Variants in CASR observed in about 807,000 individuals in gnomAD.
CASR encodes the protein calcium sensing receptor.
Under a neutral mutation model 69.1 loss-of-function variants are expected in CASR, and 23 were observed. That is an observed-to-expected ratio of 0.33 (90% CI 0.24 to 0.47). The LOEUF (loss-of-function observed/expected upper bound fraction) is 0.47. Ranked by LOEUF, CASR falls within the 20% of genes least tolerant of loss-of-function variation. The pLI, the probability that CASR is intolerant of heterozygous loss-of-function variation, is 1.00. For missense variants in CASR, 924 were observed against 1,356.1 expected (o/e 0.68, Z 5.00); for synonymous variants, 541 against 544.7 (o/e 0.99, Z 0.10).
intron 1 of CASR, among the ~76,000 whole-genome samples, chr3:122,230,672 C>A (rs912269230): frequency 2.0e-5 from 3 of 152,180 alleles, no homozygotes; most frequent in Admixed American, 2.0e-4. Context: ...CCAGTCTCTT[C>A]CACTGAGGTT....
At chr3:122,264,109 G>GAA (rs35559285) in intron 4 of CASR, among the ~76,000 whole-genome samples, 16,758 of 145,554 alleles carry the variant, frequency 0.12, 1,234 homozygotes, top group Middle Eastern at 0.26. Context: ...GGACCTGTGA[G>GAA]AAAAAAAAAA....
At chr3:122,193,151 T>C (rs773029502) in intron 1 of CASR, among the ~76,000 whole-genome samples, 1 of 152,072 alleles carries the variant, frequency 6.6e-6, no homozygotes, top group Non-Finnish European at 1.5e-5. Flanking sequence ...TTCGACCTTT[T>C]TTTTTCATAT....
At chr3:122,202,990 T>C (rs1216974150) in intron 1 of CASR, among the ~76,000 whole-genome samples, 1 of 152,240 alleles carries the variant, frequency 6.6e-6, no homozygotes, top group Non-Finnish European at 1.5e-5. Context: ...TTCTGAGCTC[T>C]GTTCTGTACT....
At chr3:122,195,356 C>A (rs1313688610) in intron 1 of CASR, among the ~76,000 whole-genome samples, 2 of 152,194 alleles carry the variant, frequency 1.3e-5, no homozygotes, top group Admixed American at 1.3e-4. Flanking sequence ...CTGACACCAC[C>A]ACTACTGCAA....
At chr3:122,220,870 A>G (rs546311586) in intron 1 of CASR, among the ~76,000 whole-genome samples, 8 of 152,290 alleles carry the variant, frequency 5.3e-5, no homozygotes, top group African/African-American at 1.9e-4. Flanking sequence ...GCTACTTGAG[A>G]GGCTGAGGCA....
chr3:122,196,317 A>G (rs1322716601), intron 1 of CASR, among the ~76,000 whole-genome samples: 2 of 152,192 alleles, frequency 1.3e-5, no homozygotes, highest in African/African-American at 2.4e-5. Flanking sequence ...TAAAAAATAG[A>G]TACTACAAAA....
At chr3:122,226,867 G>A (rs1272189869) in intron 1 of CASR, among the ~76,000 whole-genome samples, 2 of 152,158 alleles carry the variant, frequency 1.3e-5, no homozygotes, top group Admixed American at 1.3e-4. Context: ...TAGACACAGG[G>A]TGCTGATTGG....
At chr3:122,195,014 C>CTCCTACTTCCTGATCCTCCTCA (rs2073875186) in intron 1 of CASR, among the ~76,000 whole-genome samples, 1 of 151,828 alleles carries the variant, frequency 6.6e-6, no homozygotes. Context: ...CCTGCTCCTC[C>CTCCTACTTCCTGATCCTCCTCA]TCCTCCTTTT....
chr3:122,240,114 G>A (rs1399903707), intron 1 of CASR, among the ~76,000 whole-genome samples: 4 of 152,124 alleles, frequency 2.6e-5, no homozygotes, highest in African/African-American at 9.7e-5. Context: ...TGAAAGTCAA[G>A]GATAAAAAAG....
At chr3:122,252,413 G>GAAAGAAAGAAAGAAAGAAAC (rs2074501471) in intron 1 of CASR, among the ~76,000 whole-genome samples, 1 of 20,700 alleles carries the variant, frequency 4.8e-5, no homozygotes, top group African/African-American at 2.0e-4. Context: ...GAAGGAAAAA[G>GAAAGAAAGAAAGAAAGAAAC]AAAGAAAGAA....
chr3:122,227,657 C>G (rs974587163), intron 1 of CASR, among the ~76,000 whole-genome samples: 3 of 152,206 alleles, frequency 2.0e-5, no homozygotes, highest in African/African-American at 7.2e-5. Context: ...GCTCCTCAAG[C>G]ACGGCCACAG....
intron 1 of CASR, among the ~76,000 whole-genome samples, chr3:122,189,404 C>T (rs2073819279): frequency 6.6e-6 from 1 of 152,150 alleles, no homozygotes; most frequent in African/African-American, 2.4e-5. Context: ...AGGGTCTTTC[C>T]TCACATTGAA....
chr3:122,206,518 A>G (rs2074008335), intron 1 of CASR, among the ~76,000 whole-genome samples: 2 of 152,012 alleles, frequency 1.3e-5, no homozygotes, highest in African/African-American at 4.8e-5. Flanking sequence ...TCTATCAGGA[A>G]TAGTGGCCTG....
intron 1 of CASR, among the ~76,000 whole-genome samples, chr3:122,237,819 C>T (rs1158545412): frequency 6.6e-6 from 1 of 152,116 alleles, no homozygotes; most frequent in African/African-American, 2.4e-5. Flanking sequence ...ATAGAACTCT[C>T]ATAGAGTGCA....
At chr3:122,212,145 C>T (rs887962358) in intron 1 of CASR, among the ~76,000 whole-genome samples, 1 of 152,118 alleles carries the variant, frequency 6.6e-6, no homozygotes, top group Non-Finnish European at 1.5e-5. Flanking sequence ...ATAACAAAGA[C>T]ATAGAACCAA....
intron 1 of CASR, among the ~76,000 whole-genome samples, chr3:122,199,836 T>C (rs371435138): frequency 2.2e-4 from 6 of 27,596 alleles, no homozygotes; most frequent in Middle Eastern, 0.015. Flanking sequence ...ACCGTGACTA[T>C]AACTAACAAC....
intron 1 of CASR, among the ~76,000 whole-genome samples, chr3:122,203,286 A>T (rs1238315527): frequency 2.6e-5 from 4 of 152,204 alleles, no homozygotes; most frequent in Non-Finnish European, 4.4e-5. Flanking sequence ...CACAGGAGAG[A>T]CAGTCATGGG....
At chr3:122,279,221 G>A (rs749889651) in intron 5 of CASR, among the ~76,000 whole-genome samples, 1 of 152,156 alleles carries the variant, frequency 6.6e-6, no homozygotes, top group African/African-American at 2.4e-5. Flanking sequence ...ATTATGGAGT[G>A]CTATATCACT....
intron 1 of CASR, chr3:122,247,133 GC>G (rs1384413209): frequency 6.6e-6 from 1 of 152,110 alleles, no homozygotes; most frequent in Non-Finnish European, 1.5e-5. Flanking sequence ...GCCCTTCCAA[GC>G]CCATGTTTCA....
Sources: gnomAD v4.1 joint callset for allele counts (sites outside exome capture counted in the v4.1 genomes callset) on GRCh38, gnomAD v4.1.1 for gene constraint, MANE v1.5 for transcripts, NCBI Gene and HGNC (gene_info 2026-07-23, HGNC 2026-07-21) for gene names.